The following CGN variants were observed in gnomAD, a reference collection of about 807,000 sequenced individuals.
CGN encodes cingulin.
CGN carries 121 observed loss-of-function variants against 157.1 expected under a neutral mutation model. The observed-to-expected ratio is 0.77, with a 90% CI of 0.66 to 0.90. CGN has a LOEUF of 0.90. Ranked by LOEUF, CGN falls within the 40% of genes least tolerant of loss-of-function variation. CGN has a pLI of 0.00. For synonymous variants in CGN, 535 were observed against 607.5 expected, an observed-to-expected ratio of 0.88 and a Z score of 1.76; for missense variants, 1,424 against 1,520.9, an observed-to-expected ratio of 0.94 and a Z score of 1.06.
Position 151,524,737 on chromosome 1 carries a change from C to T in CGN, c.1465C>T (p.Gln489Ter), listed in dbSNP as rs1306628145. The change falls in exon 8 of 21, where the codon CAG becomes TAG. Residue 489 changes from glutamine (Q) to a stop codon, truncating the protein, a stop_gained. Transcript: ENST00000271636. LOFTEE classifies it high-confidence loss of function. This position sits in a 1 kb window ranked among gnomAD's most constrained non-coding sequence, Gnocchi z 4.4. ...GGAGGGGAAACAGCGAGTAGAGGAG[C>T]AGCTGAGGCTGCGGGAGCGGGAGTT... ...VLEGKQRVEE[Q>*]LRLRERELTA... The T allele has an allele frequency of 1.9e-6, 3 of 1,610,938 alleles. No individual in the cohort carries two copies. Among genetic ancestry groups the T allele is most frequent in the Non-Finnish European group, 2.5e-6 (3 of 1,179,500 alleles).
chr1:151,524,420 T>C lies in CGN; in HGVS notation c.1401+62T>C, dbSNP rs752007352. Reference sequence around the variant, plus strand: ...TTCTCAGTTGGAGCATCCTCAAGTCTGCTCATCCATGGTTTCCCCAAAGTA... The same window carrying C: ...TTCTCAGTTGGAGCATCCTCAAGTCCGCTCATCCATGGTTTCCCCAAAGTA... On this transcript the variant is annotated intron_variant, in intron 7 of 20. Transcript: ENST00000271636. This position sits in a 1 kb window ranked among gnomAD's most constrained non-coding sequence, Gnocchi z 4.4. The C allele has an allele frequency of 4.2e-4, 673 of 1,598,596 alleles. 1 individual carries two copies. Among genetic ancestry groups the C allele is most frequent in the Non-Finnish European group, 4.6e-4 (534 of 1,172,720 alleles).
chr1:151,515,568 G>A (rs1664389944), intron 1 of CGN: 1 of 152,138 alleles, frequency 6.6e-6, no homozygotes, highest in Non-Finnish European at 1.5e-5. Context: ...CAACCTCCTG[G>A]GCTCAGGTGA....
In CGN at chr1:151,518,688, G is replaced by T; in HGVS notation, c.169G>T (p.Val57Leu). The T allele has an allele frequency of 6.2e-7, 1 of 1,614,190 alleles. No homozygotes were observed. The highest frequency in any genetic ancestry group is 8.5e-7 in the Non-Finnish European group (1 of 1,180,030). Residue 57 changes from valine (V) to leucine (L), a missense_variant, in exon 2 of 21, where the codon GTG becomes TTG. By Grantham distance (32) the Val-to-Leu change is conservative. Coordinates refer to ENST00000271636, the MANE Select transcript of CGN (RefSeq NM_020770.3). ...RASTYGVAVR[V>L]QGIAGQPFVV... ...CAGTACCTACGGGGTTGCTGTGCGT[G>T]TGCAGGGAATCGCTGGGCAGCCCTT...
intron 9 of CGN, among the ~76,000 whole-genome samples, chr1:151,526,650 T>C (rs1664688310): frequency 6.6e-6 from 1 of 152,114 alleles, no homozygotes; most frequent in African/African-American, 2.4e-5. Flanking sequence ...ATTTTTGTAT[T>C]TTTTGTAGAG....
At chr1:151,526,947 C>T (rs1243234990) in intron 9 of CGN, 28 bp from the exon 10 acceptor site, 2 of 1,614,030 alleles carry the variant, frequency 1.2e-6, no homozygotes. Flanking sequence ...TGTTCCCTTT[C>T]CCCTTTATTT....
chr1:151,523,096 C>T (rs1247043453), intron 5 of CGN, among the ~76,000 whole-genome samples: 1 of 152,110 alleles, frequency 6.6e-6, no homozygotes, highest in Non-Finnish European at 1.5e-5. Flanking sequence ...AGAAAAGCTG[C>T]AATGCCTTTT....
At position 151,535,774 on chromosome 1, in the gene CGN, TC is replaced by T; in HGVS notation, c.3079-5del. On this transcript the variant is annotated splice_polypyrimidine_tract_variant and splice_region_variant and intron_variant, in intron 17 of 20. Coordinates refer to ENST00000271636, the MANE Select transcript of CGN (RefSeq NM_020770.3). ...GCTAACTGTGGAGGCTTCCTGTCCC[TC>T]TCAGAACAAGGACCTGAAGACCCGG... The T allele has an allele frequency of 6.2e-7, 1 of 1,613,588 alleles. No individual in the cohort carries two copies. Among genetic ancestry groups the T allele is most frequent in the African/African-American group, 1.3e-5 (1 of 75,008 alleles).
In CGN at chr1:151,537,489, A is replaced by G. The variant is rs933420226; in HGVS notation, c.*143A>G. The G allele has an allele frequency of 1.1e-5, 5 of 472,242 alleles. No homozygotes were observed. The highest frequency in any genetic ancestry group is 1.4e-5 in the Non-Finnish European group (4 of 296,008). The allele number at this position is 472,242 out of a possible 1,614,324, so 29.3% of individuals were successfully genotyped here. A position where few individuals can be genotyped will look rare whatever the true frequency, so the allele number is the denominator to read the frequency against. ...ACAGGGAGGGGTCAGAGTGATGGTG[A>G]TAAAAAAAAAAAATCATCAGCAATA... On this transcript the variant is annotated 3_prime_UTR_variant, in exon 21 of 21. Coordinates refer to ENST00000271636, the MANE Select transcript of CGN (RefSeq NM_020770.3).
rs199629933 is a variant in CGN, at chr1:151,527,130, A to C, written c.1896+23A>C. 332 of 1,613,734 alleles carry C rather than the reference A, an allele frequency of 2.1e-4. 1 individual carries two copies. Among genetic ancestry groups the C allele is most frequent in the Middle Eastern group, 1.9e-3 (11 of 5,844 alleles). On this transcript the variant is annotated intron_variant, in intron 10 of 20. Transcript: ENST00000271636. ...AAGGTATTTGGGAATTGGGGGGCAG[A>C]ATGGTAGGTAGGGGTGATGAACACC...
intron 20 of CGN, 69 bp downstream of exon 20, chr1:151,536,962 C>A: frequency 6.6e-7 from 1 of 1,510,912 alleles, no homozygotes; most frequent in South Asian, 1.2e-5. Flanking sequence ...CTCTCCTGTG[C>A]TGGATAAGGA....
rs1664862986 is a variant in CGN, at chr1:151,532,546, G to A, written c.2716G>A (p.Gly906Arg). The A allele has an allele frequency of 6.4e-7, 1 of 1,572,132 alleles. No individual in the cohort carries two copies. Among genetic ancestry groups the A allele is most frequent in the Admixed American group, 2.0e-5 (1 of 50,774 alleles). ...GGCCAGTGAGGCTGAGAAGACCTCT[G>A]GAGGACTGAGCCGACTTCAGGATGA... ...DWASEAEKTS[G>R]GLSRLQDEIQ... is the part of the protein sequence containing the mutation. Residue 906 changes from glycine to arginine, a missense_variant, in exon 14 of 21, where the codon GGA (glycine) becomes AGA (arginine). Gly to Arg is a moderately radical substitution (Grantham distance 125). Coordinates refer to ENST00000271636, the MANE Select transcript of CGN (RefSeq NM_020770.3).
intron 1 of CGN, among the ~76,000 whole-genome samples, chr1:151,517,583 T>C (rs1005624122): frequency 2.0e-5 from 3 of 150,944 alleles, no homozygotes; most frequent in Non-Finnish European, 4.4e-5. Context: ...CAATCTCGGC[T>C]CACTGCAACC....
chr1:151,527,141 G>A (rs1328455912), intron 10 of CGN, 34 bp downstream of exon 10: 1 of 1,613,192 alleles, frequency 6.2e-7, no homozygotes, highest in Non-Finnish European at 8.5e-7. Context: ...ATGGTAGGTA[G>A]GGGTGATGAA....
intron 15 of CGN, 74 bp downstream of exon 15, chr1:151,534,210 C>A: frequency 7.3e-7 from 1 of 1,378,662 alleles, no homozygotes; most frequent in Non-Finnish European, 9.8e-7. Flanking sequence ...GCGGTCAAAA[C>A]CGACAGCCCA....
rs1049707452 is a variant in CGN, at chr1:151,529,271, A to G, written c.1897-79A>G. On this transcript the variant is annotated intron_variant, in intron 10 of 20. Transcript: ENST00000271636. The stretch of plus-strand genomic sequence containing the variant: ...TCAGTTTTTATTCCCTTGGCAGTGT[A>G]TGAGAGTTTCAGCTTCTCCACATTC... 3.2e-6 allele frequency: 4 copies of G among 1,233,352 alleles called. No homozygotes were observed. In the Admixed American group the frequency reaches 5.6e-5, roughly 17 times the overall value. The allele number at this position is 1,233,352 out of a possible 1,614,324, so 76.4% of individuals were successfully genotyped here. A position where few individuals can be genotyped will look rare whatever the true frequency, so the allele number is the denominator to read the frequency against.
chr1:151,522,636 C>CA (rs201023704), intron 5 of CGN, among the ~76,000 whole-genome samples: 68 of 140,664 alleles, frequency 4.8e-4, no homozygotes, highest in East Asian at 2.8e-3. Context: ...AAAAAACAAA[C>CA]AAACAAAAAA....
At position 151,532,854 on chromosome 1, in the gene CGN, C is replaced by T. The variant is rs530503821; in HGVS notation, c.2742+282C>T. 2.8e-4 allele frequency among the ~76,000 whole-genome samples: 42 copies of T among 152,086 alleles called. No individual in the cohort carries two copies. The South Asian group carries it at 5.8e-3, about 21-fold the overall frequency. ...CAGGATGGTCTCAATCTCCTGACCT[C>T]GTGATCCGCCCTCCTCGGCCTCCCA... is the stretch of plus-strand genomic sequence containing the variant. On this transcript the variant is annotated intron_variant, in intron 14 of 20. Coordinates refer to ENST00000271636, the MANE Select transcript of CGN (RefSeq NM_020770.3).
intron 9 of CGN, among the ~76,000 whole-genome samples, 172 bp from the exon 10 acceptor site, chr1:151,526,803 A>C (rs1045453034): frequency 6.6e-6 from 1 of 151,386 alleles, no homozygotes; most frequent in African/African-American, 2.4e-5. Context: ...GTATGCTCTT[A>C]CTCTCCCATT....
chr1:151,519,313 G>T lies in CGN; in HGVS notation c.794G>T (p.Arg265Leu). The T allele has an allele frequency of 6.2e-7, 1 of 1,612,344 alleles. No homozygotes were observed. The highest frequency in any genetic ancestry group is 8.5e-7 in the Non-Finnish European group (1 of 1,179,976). ...CTGAGTCCTCTCAGTGGCTTTAGCC[G>T]TTCTCGTCAGACTCAGGACTGGGTC... ...QNLSPLSGFS[R>L]SRQTQDWVLQ... Residue 265 changes from arginine (R) to leucine (L), a missense_variant, in exon 2 of 21, where the codon CGT becomes CTT. Around this residue, in one of 3 missense-constraint regions of CGN, gnomAD observed 1,187 missense variants for 1,217.6 expected, o/e 0.97. Coordinates refer to ENST00000271636, the MANE Select transcript of CGN (RefSeq NM_020770.3).
Sources: gnomAD v4.1 joint callset for allele counts (sites outside exome capture counted in the v4.1 genomes callset) on GRCh38, gnomAD v4.1.1 for gene constraint, gnomAD v4.1.1 regional missense constraint, Gnocchi (gnomAD v3.1) non-coding constraint, MANE v1.5 for transcripts, NCBI Gene and HGNC (gene_info 2026-07-23, HGNC 2026-07-21) for gene names.